Variants in CSMD1 observed in about 807,000 individuals in gnomAD.
CSMD1 encodes the protein CUB and Sushi multiple domains 1, also known as CUB and sushi domain-containing protein 1.
Under a neutral mutation model 417.5 loss-of-function variants are expected in CSMD1, and 213 were observed. The observed-to-expected ratio is 0.51, with a 90% CI of 0.46 to 0.57. The LOEUF (loss-of-function observed/expected upper bound fraction) is 0.57, where lower values mean the gene tolerates loss of function less well. Ranked by LOEUF, CSMD1 falls within the 20% of genes least tolerant of loss-of-function variation. CSMD1 has a pLI of 0.00. For missense variants in CSMD1, 6,923 were observed against 4,529.7 expected, an observed-to-expected ratio of 1.53 and a Z score of -15.17; for synonymous variants, 2,862 against 1,736.8, an observed-to-expected ratio of 1.65 and a Z score of -16.11.
chr8:4,034,831 G>A lies in CSMD1; in HGVS notation c.416-2732C>T, dbSNP rs76328749. On this transcript the variant is annotated intron_variant, in intron 3 of 69. Coordinates refer to ENST00000635120, the MANE Select transcript of CSMD1 (RefSeq NM_033225.6). ...GAAGGCACACATTTTCCAACAGAAGGTGTCCAGATAATTGTTCCCCAAAGA... is the reference window on the plus strand; with the variant it reads ...GAAGGCACACATTTTCCAACAGAAGATGTCCAGATAATTGTTCCCCAAAGA... Among the ~76,000 whole-genome samples the A allele has an allele frequency of 2.3e-3, 349 of 152,214 alleles. 8 individuals are homozygous for A. The East Asian group carries it at 0.06, about 26-fold the overall frequency.
chr8:4,522,424 T>C (rs554114217), intron 2 of CSMD1, among the ~76,000 whole-genome samples: 8 of 152,282 alleles, frequency 5.3e-5, no homozygotes, highest in African/African-American at 1.9e-4. Context: ...ATCAGAAAGT[T>C]CATTACAAAT....
At chr8:4,492,488 A>G (rs546213484) in intron 2 of CSMD1, among the ~76,000 whole-genome samples, 1 of 152,202 alleles carries the variant, frequency 6.6e-6, no homozygotes, top group Non-Finnish European at 1.5e-5. Flanking sequence ...CAGTATATAT[A>G]AAGTTGATTT....
intron 5 of CSMD1, among the ~76,000 whole-genome samples, chr8:3,952,262 G>T (rs1206882745): frequency 6.6e-6 from 1 of 152,060 alleles, no homozygotes; most frequent in Non-Finnish European, 1.5e-5. Context: ...TTATTCTCCT[G>T]AGCACACAGT....
chr8:4,961,103 G>A (rs548678466), intron 1 of CSMD1, among the ~76,000 whole-genome samples: 10 of 152,146 alleles, frequency 6.6e-5, no homozygotes, highest in South Asian at 2.1e-4. Flanking sequence ...ACCTCATTAG[G>A]ACTATAAAAT....
At chr8:4,205,615 A>C (rs544097341) in intron 3 of CSMD1, among the ~76,000 whole-genome samples, 67 of 152,260 alleles carry the variant, frequency 4.4e-4, no homozygotes, top group African/African-American at 8.4e-4. Flanking sequence ...GACAATTTCC[A>C]CCCAGGAGCC....
intron 1 of CSMD1, among the ~76,000 whole-genome samples, chr8:4,976,077 A>C (rs1563915464): frequency 2.0e-5 from 3 of 152,214 alleles, no homozygotes; most frequent in Admixed American, 6.5e-5. Flanking sequence ...TAATTGGTTG[A>C]CACATGTTCT....
chr8:3,775,316 G>A (rs1798838415), intron 5 of CSMD1, among the ~76,000 whole-genome samples: 1 of 152,180 alleles, frequency 6.6e-6, no homozygotes, highest in South Asian at 2.1e-4. Flanking sequence ...CAGGAGTGAA[G>A]TTATGCAGGC....
At chr8:4,840,067 G>C (rs1003712901) in intron 1 of CSMD1, among the ~76,000 whole-genome samples, 32 of 100,468 alleles carry the variant, frequency 3.2e-4, no homozygotes, top group African/African-American at 1.1e-3. Flanking sequence ...TCGGTGGACC[G>C]CATCCATAGG....
intron 3 of CSMD1, among the ~76,000 whole-genome samples, chr8:4,298,580 T>G (rs1300880642): frequency 6.6e-6 from 1 of 152,286 alleles, no homozygotes; most frequent in African/African-American, 2.4e-5. Context: ...TATGTAAATT[T>G]ACAAATATTG....
intron 12 of CSMD1, among the ~76,000 whole-genome samples, chr8:3,439,525 T>C (rs948901905): frequency 1.2e-4 from 16 of 132,776 alleles, no homozygotes; most frequent in African/African-American, 4.3e-4. Context: ...GTGTGTGTAA[T>C]TGTAGAGTCT....
intron 17 of CSMD1, among the ~76,000 whole-genome samples, chr8:3,392,517 T>C (rs1416087821): frequency 6.6e-6 from 1 of 152,064 alleles, no homozygotes; most frequent in Non-Finnish European, 1.5e-5. Flanking sequence ...GACTCATTGG[T>C]TCCTTTAACC....
intron 58 of CSMD1, 22 bp downstream of exon 58, chr8:2,966,548 A>C: frequency 6.2e-7 from 1 of 1,607,396 alleles, no homozygotes; most frequent in Non-Finnish European, 8.5e-7. Flanking sequence ...GTCTGAGTCT[A>C]CCATGATGTC....
At chr8:4,136,315 T>C (rs548427120) in intron 3 of CSMD1, among the ~76,000 whole-genome samples, 139 of 152,320 alleles carry the variant, frequency 9.1e-4, no homozygotes, top group African/African-American at 3.3e-3. Flanking sequence ...CCAGATTTTA[T>C]CACTATCTTG....
intron 3 of CSMD1, among the ~76,000 whole-genome samples, chr8:4,276,767 A>G (rs934965615): frequency 1.3e-5 from 2 of 152,180 alleles, no homozygotes; most frequent in African/African-American, 4.8e-5. Context: ...GTGTAGAAGG[A>G]AAACCCTCAG....
At chr8:4,086,228 A>G (rs1414391351) in intron 3 of CSMD1, among the ~76,000 whole-genome samples, 1 of 152,194 alleles carries the variant, frequency 6.6e-6, no homozygotes, top group Admixed American at 6.5e-5. Context: ...CTCTTCTGGT[A>G]CATCTTCATG....
At chr8:4,054,368 C>G (rs928115037) in intron 3 of CSMD1, among the ~76,000 whole-genome samples, 1 of 152,160 alleles carries the variant, frequency 6.6e-6, no homozygotes, top group Non-Finnish European at 1.5e-5. Context: ...TTGCCTTCAT[C>G]CCATATAGGG....
intron 5 of CSMD1, among the ~76,000 whole-genome samples, chr8:3,769,828 C>G (rs1312679712): frequency 1.3e-5 from 2 of 152,146 alleles, no homozygotes; most frequent in East Asian, 3.9e-4. Flanking sequence ...GTTGAATCAG[C>G]ACTTTTATTT....
chr8:4,140,023 T>A lies in CSMD1; in HGVS notation c.416-107924A>T, dbSNP rs1340679858. Among the ~76,000 whole-genome samples, 3 of 150,830 alleles carry A rather than the reference T, an allele frequency of 2.0e-5. 1 individual carries two copies. The highest frequency in any genetic ancestry group is 7.5e-5 in the African/African-American group (3 of 40,256). On this transcript the variant is annotated intron_variant, in intron 3 of 69. Transcript: ENST00000635120. ...GTAAATAGTTCTCCCTGACCTCAAT[T>A]TGCCTGGAAGGATAGAAGACACATT...
chr8:4,235,409 C>G (rs1275919241), intron 3 of CSMD1, among the ~76,000 whole-genome samples: 1 of 151,410 alleles, frequency 6.6e-6, no homozygotes, highest in South Asian at 2.1e-4. Flanking sequence ...GTACTTAGCA[C>G]ACCTAATGCT....
Sources: gnomAD v4.1 joint callset for allele counts (sites outside exome capture counted in the v4.1 genomes callset) on GRCh38, gnomAD v4.1.1 for gene constraint, MANE v1.5 for transcripts, NCBI Gene and HGNC (gene_info 2026-07-23, HGNC 2026-07-21) for gene names.